The following ARFGEF2 variants were observed in gnomAD, a reference collection of about 807,000 sequenced individuals.
ARFGEF2 encodes the protein brefeldin A-inhibited guanine nucleotide-exchange protein 2.
In ARFGEF2, 74 loss-of-function variants were observed where a neutral mutation model predicts 219.9. That is an observed-to-expected ratio of 0.34 (90% CI 0.28 to 0.41). The LOEUF (loss-of-function observed/expected upper bound fraction) is 0.41, where lower values mean the gene tolerates loss of function less well. ARFGEF2 is among the 10% of genes least tolerant of loss of function. The probability of loss-of-function intolerance (pLI) is 1.00; values close to 1 mark genes in which losing one functional copy is unlikely to be tolerated. For synonymous variants in ARFGEF2, 733 were observed against 799.2 expected (o/e 0.92, Z 1.40); for missense variants, 1,743 against 2,218.3 (o/e 0.79, Z 4.30).
At chr20:49,025,683 A>G (rs1394176536) in intron 36 of ARFGEF2, among the ~76,000 whole-genome samples, 1 of 152,202 alleles carries the variant, frequency 6.6e-6, no homozygotes, top group African/African-American at 2.4e-5. Context: ...TGATAAAAAG[A>G]CAAATTGAGG....
intron 26 of ARFGEF2, among the ~76,000 whole-genome samples, chr20:49,006,054 G>T (rs969586795): frequency 6.6e-6 from 1 of 151,926 alleles, no homozygotes; most frequent in Non-Finnish European, 1.5e-5. Flanking sequence ...CCAACACTTT[G>T]GGAGGCCGAG....
chr20:48,967,444 C>T (rs1233907396), intron 8 of ARFGEF2, among the ~76,000 whole-genome samples: 1 of 152,100 alleles, frequency 6.6e-6, no homozygotes, highest in Admixed American at 6.6e-5. Flanking sequence ...GGAATAAATG[C>T]CTGCAAGTAG....
intron 9 of ARFGEF2, among the ~76,000 whole-genome samples, chr20:48,970,615 A>AAAAT (rs1049722370): frequency 3.3e-5 from 5 of 152,328 alleles, no homozygotes; most frequent in East Asian, 3.8e-4. Context: ...CCGTCTCAAA[A>AAAAT]AAATAAATAA....
intron 38 of ARFGEF2, among the ~76,000 whole-genome samples, chr20:49,032,445 G>C (rs1462568985): frequency 6.6e-6 from 1 of 152,184 alleles, no homozygotes; most frequent in African/African-American, 2.4e-5. Flanking sequence ...AGTGCAGGAA[G>C]AGAGGGTTAA....
In ARFGEF2 at chr20:48,941,952, C is replaced by T. The variant is rs2090995540; in HGVS notation, c.241C>T (p.Pro81Ser). The change falls in exon 3 of 39, where the codon CCA becomes TCA. Residue 81 changes from proline to serine, a missense_variant. Physicochemically the swap from Pro to Ser is moderately conservative, Grantham distance 74. Around this residue, in one of 5 missense-constraint regions of ARFGEF2, gnomAD observed 394 missense variants for 426.6 expected, o/e 0.92. Coordinates refer to ENST00000371917, the MANE Select transcript of ARFGEF2 (RefSeq NM_006420.3). ...PFELACQSKS[P>S]RVVSTSLDCL... Reference sequence around the variant, plus strand: ...CGAGCTAGCTTGCCAGTCCAAGTCCCCAAGGGTAGTCAGCACATCCCTTGA... The same window carrying T: ...CGAGCTAGCTTGCCAGTCCAAGTCCTCAAGGGTAGTCAGCACATCCCTTGA... 6.2e-7 allele frequency: 1 copy of T among 1,614,142 alleles called. No homozygotes were observed. The highest frequency in any genetic ancestry group is 1.1e-5 in the South Asian group (1 of 91,080).
intron 10 of ARFGEF2, among the ~76,000 whole-genome samples, chr20:48,971,956 G>T (rs570794165): frequency 3.9e-5 from 6 of 152,102 alleles, no homozygotes; most frequent in East Asian, 1.9e-4. Context: ...TAACCAATAT[G>T]GTCTGTCTGC....
chr20:49,013,497 T>G, intron 28 of ARFGEF2, 67 bp from the exon 29 acceptor site: 1 of 1,605,448 alleles, frequency 6.2e-7, no homozygotes. Flanking sequence ...AATCTGCATA[T>G]AGTTCCCTTT....
chr20:48,935,582 A>G (rs2090943183), intron 1 of ARFGEF2, among the ~76,000 whole-genome samples: 1 of 152,308 alleles, frequency 6.6e-6, no homozygotes, highest in Middle Eastern at 3.4e-3. Flanking sequence ...CACTGTCATC[A>G]TGGCCCGTTC....
chr20:48,935,516 A>G (rs983810722), intron 1 of ARFGEF2, among the ~76,000 whole-genome samples: 27 of 152,218 alleles, frequency 1.8e-4, no homozygotes, highest in African/African-American at 6.5e-4. Context: ...CACGGCAACC[A>G]TCCGATTTCT....
intron 26 of ARFGEF2, among the ~76,000 whole-genome samples, chr20:49,008,563 A>C (rs1042718820): frequency 2.7e-5 from 4 of 150,316 alleles, no homozygotes; most frequent in African/African-American, 9.7e-5. Context: ...CTCCATCTCA[A>C]AAAAAAAAAA....
At chr20:49,021,251 A>T (rs1171595694) in intron 34 of ARFGEF2, among the ~76,000 whole-genome samples, 1 of 151,942 alleles carries the variant, frequency 6.6e-6, no homozygotes, top group Non-Finnish European at 1.5e-5. Flanking sequence ...AGAAAAAAAA[A>T]ATTTTTTTTT....
chr20:48,966,675 C>A (rs1010088760), intron 8 of ARFGEF2, among the ~76,000 whole-genome samples: 2 of 152,084 alleles, frequency 1.3e-5, no homozygotes, highest in East Asian at 3.8e-4. Context: ...TTTTCTTTGT[C>A]TTTTTACCAG....
intron 1 of ARFGEF2, among the ~76,000 whole-genome samples, chr20:48,922,713 A>G (rs2090851065): frequency 6.6e-6 from 1 of 152,226 alleles, no homozygotes. Flanking sequence ...CCCTCAGATT[A>G]TGGAAAGAGG....
intron 1 of ARFGEF2, among the ~76,000 whole-genome samples, chr20:48,936,449 C>T (rs952329995): frequency 6.6e-6 from 1 of 151,316 alleles, no homozygotes; most frequent in Non-Finnish European, 1.5e-5. Context: ...CCTCACTTCT[C>T]AGACGGGGCG....
chr20:48,951,475 C>T lies in ARFGEF2; in HGVS notation c.423+6C>T, dbSNP rs761830277. On this transcript the variant is annotated splice_donor_region_variant and intron_variant, in intron 4 of 38. Coordinates refer to ENST00000371917, the MANE Select transcript of ARFGEF2 (RefSeq NM_006420.3). Reference sequence around the variant, plus strand: ...TTCAGTTACAAATAATTAAGGTATGCCTATTTGTTTGCCTGTCTGGTTTTT... The same window carrying T: ...TTCAGTTACAAATAATTAAGGTATGTCTATTTGTTTGCCTGTCTGGTTTTT... 3 of 1,613,998 alleles carry T rather than the reference C, an allele frequency of 1.9e-6. No individual in the cohort carries two copies. The South Asian group carries it at 3.3e-5, about 18-fold the overall frequency.
intron 1 of ARFGEF2, among the ~76,000 whole-genome samples, chr20:48,930,164 G>C (rs2090904146): frequency 6.6e-6 from 1 of 152,202 alleles, no homozygotes; most frequent in African/African-American, 2.4e-5. Context: ...ACTAGCATCT[G>C]GCCAGGGTCA....
chr20:48,989,026 AG>A (rs2091342418), intron 18 of ARFGEF2, among the ~76,000 whole-genome samples: 1 of 152,148 alleles, frequency 6.6e-6, no homozygotes, highest in Non-Finnish European at 1.5e-5. Context: ...AGTGGTTTAG[AG>A]TGTGGCTCTA....
chr20:48,990,183 G>T (rs1297533420), intron 20 of ARFGEF2, among the ~76,000 whole-genome samples: 2 of 151,948 alleles, frequency 1.3e-5, no homozygotes, highest in East Asian at 3.9e-4. Context: ...CCATCTCAAA[G>T]AAAATAATAA....
chr20:48,960,198 T>G (rs2123382499), intron 6 of ARFGEF2, among the ~76,000 whole-genome samples: 1 of 152,338 alleles, frequency 6.6e-6, no homozygotes, highest in Non-Finnish European at 1.5e-5. Context: ...AGCCTATTGC[T>G]CCTAGGCTAT....
Sources: gnomAD v4.1 joint callset for allele counts (sites outside exome capture counted in the v4.1 genomes callset) on GRCh38, gnomAD v4.1.1 for gene constraint, gnomAD v4.1.1 regional missense constraint, MANE v1.5 for transcripts, NCBI Gene and HGNC (gene_info 2026-07-23, HGNC 2026-07-21) for gene names.